Variants in HECTD4 observed in about 807,000 individuals in gnomAD.
The protein encoded by HECTD4 is HECT domain E3 ubiquitin protein ligase 4, also known as probable E3 ubiquitin-protein ligase HECTD4.
A neutral mutation model predicts 471.5 loss-of-function variants in HECTD4; 114 were observed. The observed-to-expected ratio is 0.24, with a 90% CI of 0.21 to 0.28. The LOEUF (loss-of-function observed/expected upper bound fraction) is 0.28, where lower values mean the gene tolerates loss of function less well. Ranked by LOEUF, HECTD4 falls within the 10% of genes least tolerant of loss-of-function variation. The pLI is 1.00. For missense variants in HECTD4, 3,866 were observed against 5,651.5 expected (o/e 0.68, Z 10.13); for synonymous variants, 2,012 against 2,256.0 (o/e 0.89, Z 3.07).
intron 1 of HECTD4, among the ~76,000 whole-genome samples, chr12:112,364,420 A>AAAT (rs2036520154): frequency 2.6e-5 from 4 of 151,146 alleles, no homozygotes; most frequent in Non-Finnish European, 5.9e-5. Flanking sequence ...AAAAAAAAAA[A>AAAT]AAATAAATAA....
chr12:112,255,833 C>T (rs543156380), intron 21 of HECTD4, among the ~76,000 whole-genome samples: 2 of 152,124 alleles, frequency 1.3e-5, no homozygotes, highest in Non-Finnish European at 2.9e-5. Context: ...GGAAACTACT[C>T]TTCCTCAAAA....
chr12:112,231,839 A>G (rs895718125), intron 38 of HECTD4, 124 bp from the exon 39 acceptor site: 7 of 791,396 alleles, frequency 8.8e-6, no homozygotes, highest in East Asian at 8.0e-5. Context: ...TCAAACATAA[A>G]ATATTATATG....
In HECTD4 at chr12:112,244,021, A is replaced by G. The variant is rs557497634; in HGVS notation, c.4514-12T>C. 33 of 1,613,192 alleles carry G rather than the reference A, an allele frequency of 2.0e-5. 1 individual carries two copies. In the South Asian group the frequency reaches 3.1e-4, roughly 15 times the overall value. The stretch of plus-strand genomic sequence containing the variant: ...AGCTGATTTACAAGCTAGAAAAAAA[A>G]GGAATAAAAAGGCTGACATTTCTGC... On this transcript the variant is annotated splice_polypyrimidine_tract_variant and intron_variant, in intron 29 of 75. Transcript: ENST00000682272.
In HECTD4 at chr12:112,207,866, T is replaced by C; in HGVS notation, c.8131+8A>G. ...GTAACCTCCTTAGCAGAACAAAAAG[T>C]ACCAGACCTAGTTGTAAGGCCCCCT... On this transcript the variant is annotated splice_region_variant and intron_variant, in intron 52 of 75. Transcript: ENST00000682272. 6.2e-7 allele frequency: 1 copy of C among 1,613,646 alleles called. No homozygotes were observed. Among genetic ancestry groups the C allele is most frequent in the Non-Finnish European group, 8.5e-7 (1 of 1,179,684 alleles).
At chr12:112,208,401 C>A (rs2032659037) in intron 51 of HECTD4, 93 bp downstream of exon 51, 1 of 1,291,384 alleles carries the variant, frequency 7.7e-7, no homozygotes, top group Admixed American at 3.3e-5. Context: ...GCTTTGCACT[C>A]TCACATCAAA....
intron 1 of HECTD4, among the ~76,000 whole-genome samples, chr12:112,331,502 G>T (rs1317004289): frequency 6.6e-6 from 1 of 152,042 alleles, no homozygotes; most frequent in Non-Finnish European, 1.5e-5. Context: ...TTTACTTCAG[G>T]TCTCTCAGTC....
chr12:112,346,672 T>C (rs773780595), intron 1 of HECTD4, among the ~76,000 whole-genome samples: 20 of 152,196 alleles, frequency 1.3e-4, no homozygotes, highest in Non-Finnish European at 2.6e-4. Flanking sequence ...AAGATTTTTG[T>C]GTTGAGGCTG....
intron 71 of HECTD4, 80 bp from the exon 72 acceptor site, chr12:112,167,618 A>G: frequency 8.3e-7 from 1 of 1,210,204 alleles, no homozygotes; most frequent in South Asian, 1.5e-5. Flanking sequence ...AAGCCACCAT[A>G]CCCTGTGGCA....
At chr12:112,263,752 T>C (rs960224438) in intron 17 of HECTD4, among the ~76,000 whole-genome samples, 9 of 144,432 alleles carry the variant, frequency 6.2e-5, no homozygotes, top group East Asian at 2.7e-4. Flanking sequence ...CACACACACA[T>C]ACACATATAT....
Position 112,184,992 on chromosome 12 carries a change from G to T in HECTD4, c.9974C>A (p.Ser3325Ter). The change falls in exon 61 of 76, where the codon TCG becomes TAG. Residue 3325 changes from serine (S) to a stop codon, truncating the protein, a stop_gained. Transcript: ENST00000682272. LOFTEE classifies it high-confidence loss of function. This position sits in a 1 kb window ranked among gnomAD's most constrained non-coding sequence, Gnocchi z 9.1. ...VKMKREKASS[S>*]GKRQSSRTVD... Reference sequence around the variant, plus strand: ...GGTGCGGGAAGACTGGCGCTTGCCCGACGAGGAGGCCTTTTCCCGCTTCAT... The same window carrying T: ...GGTGCGGGAAGACTGGCGCTTGCCCTACGAGGAGGCCTTTTCCCGCTTCAT... 6.2e-7 allele frequency: 1 copy of T among 1,611,834 alleles called. No individual in the cohort carries two copies. Among genetic ancestry groups the T allele is most frequent in the Non-Finnish European group, 8.5e-7 (1 of 1,179,046 alleles).
chr12:112,305,970 G>GCT, intron 7 of HECTD4, 94 bp downstream of exon 7: 1 of 1,147,312 alleles, frequency 8.7e-7, no homozygotes, highest in South Asian at 1.7e-5. Context: ...CACTATACAC[G>GCT]CTGCAAGGTT....
At chr12:112,255,130 C>T (rs1330642640) in intron 21 of HECTD4, among the ~76,000 whole-genome samples, 1 of 151,864 alleles carries the variant, frequency 6.6e-6, no homozygotes, top group Non-Finnish European at 1.5e-5. Context: ...CTACTGCAGG[C>T]ATAAGTTAGC....
At chr12:112,165,565 A>T (rs554107825) in intron 72 of HECTD4, among the ~76,000 whole-genome samples, 1 of 150,732 alleles carries the variant, frequency 6.6e-6, no homozygotes, top group Non-Finnish European at 1.5e-5. Context: ...GTTAGCCAGG[A>T]TGGTCTCAAT....
intron 19 of HECTD4, 175 bp from the exon 20 acceptor site, chr12:112,258,771 T>A: frequency 1.7e-6 from 1 of 576,498 alleles, no homozygotes; most frequent in South Asian, 2.5e-5. Context: ...CTTAATGCTG[T>A]AATGGAATGC....
At position 112,381,421 on chromosome 12, in the gene HECTD4, T is replaced by C. The variant is rs1301849942; in HGVS notation, c.177+531A>G. Among the ~76,000 whole-genome samples, 1 of 151,748 alleles carries C rather than the reference T, an allele frequency of 6.6e-6. No individual in the cohort carries two copies. The highest frequency in any genetic ancestry group is 1.5e-5 in the Non-Finnish European group (1 of 67,936). On this transcript the variant is annotated intron_variant, in intron 1 of 75. Coordinates refer to ENST00000682272, the MANE Select transcript of HECTD4 (RefSeq NM_001388303.1). The surrounding 1 kb of genome is among the most constrained non-coding windows in gnomAD (Gnocchi z 4.1). ...CCATCCGAGACACAACACAGAGAAGTTGCTGGATTGCCCATCGCGGACCCG... is the reference window on the plus strand; with the variant it reads ...CCATCCGAGACACAACACAGAGAAGCTGCTGGATTGCCCATCGCGGACCCG...
At chr12:112,315,455 A>G (rs1171008981) in intron 2 of HECTD4, among the ~76,000 whole-genome samples, 1 of 152,230 alleles carries the variant, frequency 6.6e-6, no homozygotes, top group African/African-American at 2.4e-5. Flanking sequence ...TAGCATTAAT[A>G]GAAGGCAAGG....
chr12:112,243,667 G>T lies in HECTD4; in HGVS notation c.4744C>A (p.Leu1582Met), dbSNP rs764975746. ...DSRDKPTYSV[L>M]LGQLFAFIGT... ...ATGAAAGCAAACAGCTGCCCTAGCA[G>T]GACACTGTAGGTGGGCTTGTCCCTG... The change falls in exon 31 of 76, where the codon CTG (leucine) becomes ATG (methionine). Residue 1582 changes from leucine to methionine, a missense_variant. Around this residue, in one of 16 missense-constraint regions of HECTD4, gnomAD observed 229 missense variants for 386.4 expected, o/e 0.59. Transcript: ENST00000682272. The surrounding 1 kb of genome is among the most constrained non-coding windows in gnomAD (Gnocchi z 6.6). 1 of 1,613,202 alleles carries T rather than the reference G, an allele frequency of 6.2e-7. No homozygotes were observed.
intron 54 of HECTD4, among the ~76,000 whole-genome samples, chr12:112,202,361 A>G (rs4767475): frequency 0.096 from 14,618 of 151,942 alleles, 1,899 homozygotes; most frequent in East Asian, 0.62. Flanking sequence ...TCGTGCCACC[A>G]TGCCCAGCTA....
intron 7 of HECTD4, chr12:112,302,280 T>A (rs2035180992): frequency 3.5e-6 from 3 of 854,366 alleles, no homozygotes; most frequent in Non-Finnish European, 5.9e-6. Flanking sequence ...GGTGGTCTCT[T>A]AGTGGGGACG....
Sources: gnomAD v4.1 joint callset for allele counts (sites outside exome capture counted in the v4.1 genomes callset) on GRCh38, gnomAD v4.1.1 for gene constraint, gnomAD v4.1.1 regional missense constraint, Gnocchi (gnomAD v3.1) non-coding constraint, MANE v1.5 for transcripts, NCBI Gene and HGNC (gene_info 2026-07-23, HGNC 2026-07-21) for gene names.